POFUT4: variants seen among roughly 807,000 people sequenced by gnomAD.
POFUT4 encodes GDP-fucose protein O-fucosyltransferase 4.
chr10:73,772,411 C>G, the POFUT4 span: 1 of 1,572,574 alleles, frequency 6.4e-7, no homozygotes, highest in Non-Finnish European at 8.6e-7. Context: ...GCCATGGGTC[C>G]GTAGCGGAGA....
At chr10:73,775,818 CT>C in the POFUT4 span, 3 of 961,456 alleles carry the variant, frequency 3.1e-6, no homozygotes, top group Non-Finnish European at 3.1e-6. Context: ...CCAGTTTTAT[CT>C]ATTAAGATTT....
At chr10:73,772,907 C>T in the POFUT4 span, 1 of 1,611,498 alleles carries the variant, frequency 6.2e-7, no homozygotes, top group Non-Finnish European at 8.5e-7. Flanking sequence ...CTATCTGCGC[C>T]GCCCGGTGCC....
chr10:73,773,864 C>A, the POFUT4 span: 2 of 1,509,016 alleles, frequency 1.3e-6, no homozygotes, highest in South Asian at 2.6e-5. Flanking sequence ...TACTTACTTG[C>A]TTACTGTGGG....
the POFUT4 span, chr10:73,773,902 G>A: frequency 7.1e-7 from 1 of 1,410,822 alleles, no homozygotes; most frequent in South Asian, 1.4e-5. Flanking sequence ...GTGCTGAGCA[G>A]GTGCAGGAGG....
At chr10:73,775,406 C>A in the POFUT4 span, 1 of 1,607,144 alleles carries the variant, frequency 6.2e-7, no homozygotes, top group Non-Finnish European at 8.5e-7. Context: ...TTCACTTTGT[C>A]TTCCTTTCAC....
chr10:73,773,631 C>G, the POFUT4 span: 5 of 1,614,258 alleles, frequency 3.1e-6, no homozygotes, highest in Admixed American at 1.7e-5. Context: ...GCCTAACTAC[C>G]TCAACGGCTT....
At chr10:73,772,693 G>C in the POFUT4 span, 1 of 1,571,650 alleles carries the variant, frequency 6.4e-7, no homozygotes, top group Non-Finnish European at 8.6e-7. Context: ...CGCGCGCGCT[G>C]CTCTTCTACG....
the POFUT4 span, chr10:73,772,522 G>A: frequency 2.6e-6 from 4 of 1,564,726 alleles, no homozygotes; most frequent in Non-Finnish European, 3.5e-6. Flanking sequence ...GCAGCTCTGG[G>A]ACGCCGCGGC....
At chr10:73,773,223 G>A in the POFUT4 span, 3 of 1,612,796 alleles carry the variant, frequency 1.9e-6, no homozygotes, top group Non-Finnish European at 2.5e-6. Context: ...GCAGAATCGG[G>A]AGCTGCCTAC....
the POFUT4 span, chr10:73,775,495 A>C: frequency 1.9e-6 from 3 of 1,614,200 alleles, no homozygotes; most frequent in Non-Finnish European, 1.7e-6. Context: ...CAGGACTCAT[A>C]ACTATGCTGC....
the POFUT4 span, chr10:73,774,355 C>G: frequency 6.6e-6 from 1 of 151,992 alleles, no homozygotes; most frequent in Non-Finnish European, 1.5e-5. Flanking sequence ...GTAGTTGGTG[C>G]AGGTGGGGAC....
the POFUT4 span, chr10:73,780,146 CTCTGGAG>C: frequency 7.2e-5 from 11 of 152,330 alleles, no homozygotes; most frequent in African/African-American, 2.4e-4. Context: ...TTTAATTATA[CTCTGGAG>C]TGTGGAGGTG....
chr10:73,775,381 T>G, the POFUT4 span: 1 of 1,584,416 alleles, frequency 6.3e-7, no homozygotes, highest in East Asian at 2.2e-5. Context: ...TCGCTTGGGC[T>G]TATATTGGAT....
chr10:73,772,383 G>A, the POFUT4 span: 22 of 1,563,310 alleles, frequency 1.4e-5, no homozygotes, highest in Non-Finnish European at 1.6e-5. Context: ...GGGGTGCTCA[G>A]TGTCTGTGCA....
At chr10:73,773,190 GTAGACTCC>G in the POFUT4 span, 3 of 1,607,602 alleles carry the variant, frequency 1.9e-6, no homozygotes, top group Non-Finnish European at 2.5e-6. Context: ...CCCGGTCTAG[GTAGACTCC>G]TACGGGAAAT....
chr10:73,772,498 A>T, the POFUT4 span: 1 of 1,559,584 alleles, frequency 6.4e-7, no homozygotes, highest in African/African-American at 1.4e-5. Flanking sequence ...CGCTGGGCGC[A>T]GTGGGGGTGA....
chr10:73,779,803 A>C, the POFUT4 span: 4 of 152,226 alleles, frequency 2.6e-5, no homozygotes, highest in African/African-American at 9.7e-5. Flanking sequence ...ACATGGGCTC[A>C]CATTGGCATT....
chr10:73,773,980 G>A, the POFUT4 span: 1 of 686,678 alleles, frequency 1.5e-6, no homozygotes, highest in East Asian at 2.9e-5. Flanking sequence ...AAGACAAGCT[G>A]AAAAAGCTGA....
At chr10:73,775,820 A>G in the POFUT4 span, 142 of 946,538 alleles carry the variant, frequency 1.5e-4, 1 homozygote, top group South Asian at 2.2e-3. Flanking sequence ...AGTTTTATCT[A>G]TTAAGATTTT....
Sources: allele counts gnomAD v4.1 joint callset, GRCh38; gene constraint gnomAD v4.1.1; transcripts MANE v1.5; gene names NCBI Gene and HGNC (gene_info 2026-07-23, HGNC 2026-07-21).